The following SPON1 variants were observed in gnomAD, a reference collection of about 807,000 sequenced individuals.
The protein encoded by SPON1 is spondin-1.
Under a neutral mutation model 111.7 loss-of-function variants are expected in SPON1, and 52 were observed. The observed-to-expected ratio is 0.47, with a 90% confidence interval of 0.37 to 0.59. The LOEUF (loss-of-function observed/expected upper bound fraction) is 0.59, where lower values mean the gene tolerates loss of function less well. Among genes scored for constraint, SPON1 ranks in the 20% least tolerant of loss-of-function variants. The probability of loss-of-function intolerance (pLI) is 0.00; values close to 1 mark genes in which losing one functional copy is unlikely to be tolerated. For synonymous variants in SPON1, 410 were observed against 395.8 expected, an observed-to-expected ratio of 1.04 and a Z score of -0.43; for missense variants, 957 against 1,068.5, an observed-to-expected ratio of 0.90 and a Z score of 1.46.
chr11:13,975,091 C>T (rs187002621), intron 1 of SPON1, among the ~76,000 whole-genome samples: 1 of 152,192 alleles, frequency 6.6e-6, no homozygotes, highest in Non-Finnish European at 1.5e-5. Context: ...GATGTTCTCT[C>T]CTCTGCAACC....
intron 2 of SPON1, among the ~76,000 whole-genome samples, chr11:14,012,495 C>T (rs192575070): frequency 6.6e-6 from 1 of 152,290 alleles, no homozygotes; most frequent in African/African-American, 2.4e-5. Context: ...GACGTGCAAA[C>T]CGCATTTATC....
At chr11:14,241,292 C>A (rs1179414768) in intron 6 of SPON1, among the ~76,000 whole-genome samples, 2 of 152,090 alleles carry the variant, frequency 1.3e-5, no homozygotes, top group African/African-American at 4.8e-5. Context: ...AAAAGTGGAG[C>A]AGAACTAGAT....
intron 6 of SPON1, among the ~76,000 whole-genome samples, chr11:14,214,356 C>T (rs1338814871): frequency 6.6e-6 from 1 of 152,136 alleles, no homozygotes; most frequent in African/African-American, 2.4e-5. Context: ...GATGATGCTT[C>T]AGAATAAAAA....
chr11:13,981,516 C>T (rs111660009), intron 1 of SPON1, among the ~76,000 whole-genome samples: 2 of 152,098 alleles, frequency 1.3e-5, no homozygotes, highest in African/African-American at 4.8e-5. Flanking sequence ...TTAGTAGAGA[C>T]GGGGTTTCAC....
At chr11:14,211,942 G>GA (rs1182901394) in intron 6 of SPON1, among the ~76,000 whole-genome samples, 24 of 148,012 alleles carry the variant, frequency 1.6e-4, no homozygotes, top group South Asian at 6.4e-4. Flanking sequence ...GCCAATTTTT[G>GA]AAAAAAAAAG....
At chr11:14,100,376 T>C (rs1849134070) in intron 5 of SPON1, among the ~76,000 whole-genome samples, 1 of 150,884 alleles carries the variant, frequency 6.6e-6, no homozygotes, top group African/African-American at 2.4e-5. Context: ...CTGATTGTAC[T>C]TTCTCATTTC....
intron 2 of SPON1, among the ~76,000 whole-genome samples, chr11:14,010,918 T>C (rs545345276): frequency 6.6e-6 from 1 of 152,130 alleles, no homozygotes; most frequent in South Asian, 2.1e-4. Flanking sequence ...CAGAGAAAAA[T>C]AAAATGCCCT....
intron 5 of SPON1, among the ~76,000 whole-genome samples, chr11:14,110,863 A>G (rs1554925401): frequency 6.6e-6 from 1 of 152,224 alleles, no homozygotes; most frequent in African/African-American, 2.4e-5. Context: ...AATCCAGTCA[A>G]GTTGACGTCT....
chr11:14,041,753 G>A lies in SPON1; in HGVS notation c.479+99G>A. 2.2e-6 allele frequency: 3 copies of A among 1,382,644 alleles called. No homozygotes were observed. The South Asian group carries it at 4.0e-5, about 19-fold the overall frequency. The allele number at this position is 1,382,644 out of a possible 1,614,324, so 85.6% of individuals were successfully genotyped here. ...GTTCTTTACTGAGCATCAGAAAGTTGCATCATCTCTCTGCCCTCCCTTATC... is the reference window on the plus strand; with the variant it reads ...GTTCTTTACTGAGCATCAGAAAGTTACATCATCTCTCTGCCCTCCCTTATC... On this transcript the variant is annotated intron_variant, in intron 3 of 15. Coordinates refer to ENST00000576479, the MANE Select transcript of SPON1 (RefSeq NM_006108.4).
chr11:14,231,087 A>C (rs1273823636), intron 6 of SPON1, among the ~76,000 whole-genome samples: 2 of 151,530 alleles, frequency 1.3e-5, no homozygotes, highest in African/African-American at 4.9e-5. Flanking sequence ...TGCTGGGATT[A>C]CAGGCATGAG....
chr11:14,063,519 G>A (rs529108465), intron 3 of SPON1, among the ~76,000 whole-genome samples: 11 of 152,136 alleles, frequency 7.2e-5, no homozygotes, highest in South Asian at 2.1e-4. Flanking sequence ...GATCATGTCC[G>A]GATTTTGTAG....
At chr11:14,222,390 G>A (rs1412299295) in intron 6 of SPON1, among the ~76,000 whole-genome samples, 1 of 152,188 alleles carries the variant, frequency 6.6e-6, no homozygotes, top group Admixed American at 6.5e-5. Flanking sequence ...GAGACATACG[G>A]CAAAGATTCC....
chr11:14,156,279 G>C (rs1308543047), intron 6 of SPON1, among the ~76,000 whole-genome samples: 1 of 143,426 alleles, frequency 7.0e-6, no homozygotes, highest in Admixed American at 7.2e-5. Flanking sequence ...TTTTTTGGCT[G>C]CATAAATGTC....
intron 6 of SPON1, among the ~76,000 whole-genome samples, chr11:14,230,252 G>A (rs949704437): frequency 6.6e-6 from 1 of 152,110 alleles, no homozygotes; most frequent in Admixed American, 6.5e-5. Flanking sequence ...GTCACTTGGA[G>A]CTTCATTACT....
rs1554941833 is a variant in SPON1, at chr11:14,260,707, A to G, written c.1951A>G (p.Asn651Asp). The G allele has an allele frequency of 6.2e-7, 1 of 1,614,016 alleles. No individual in the cohort carries two copies. Among genetic ancestry groups the G allele is most frequent in the Non-Finnish European group, 8.5e-7 (1 of 1,179,880 alleles). ...LKSLAELGDC[N>D]EDLEQVEKCM... ...GTCTCTGGCAGAACTTGGAGACTGC[A>G]ATGAGGATCTGGAGCAGGTGGAGAA... The change falls in exon 14 of 16, where the codon AAT becomes GAT. Residue 651 changes from asparagine to aspartate, a missense_variant. By Grantham distance (23) the Asn-to-Asp change is conservative (BLOSUM62 1). Coordinates refer to ENST00000576479, the MANE Select transcript of SPON1 (RefSeq NM_006108.4).
At position 14,019,133 on chromosome 11, in the gene SPON1, A is replaced by G. The variant is rs550270267; in HGVS notation, c.346-22388A>G. ...CTCCATTTGGGACCTGTACAATTCA[A>G]GGTTCCTTTAGTCATCCATAGTATT... On this transcript the variant is annotated intron_variant, in intron 2 of 15. Coordinates refer to ENST00000576479, the MANE Select transcript of SPON1 (RefSeq NM_006108.4). 4.6e-5 allele frequency among the ~76,000 whole-genome samples: 7 copies of G among 152,280 alleles called. No individual in the cohort carries two copies. The South Asian group carries it at 1.4e-3, about 32-fold the overall frequency.
chr11:14,241,989 G>T (rs917938168), intron 6 of SPON1, among the ~76,000 whole-genome samples: 2 of 152,104 alleles, frequency 1.3e-5, no homozygotes, highest in African/African-American at 4.8e-5. Context: ...CCGCTGCCCT[G>T]TCCTTGTGGG....
At chr11:14,073,054 T>C (rs1848889479) in intron 3 of SPON1, among the ~76,000 whole-genome samples, 1 of 152,236 alleles carries the variant, frequency 6.6e-6, no homozygotes, top group Non-Finnish European at 1.5e-5. Context: ...CAATGAGGTA[T>C]CTTGGGATGG....
In SPON1 at chr11:13,971,847, G is replaced by A. The variant is rs1591336319; in HGVS notation, c.238+8705G>A. Among the ~76,000 whole-genome samples the A allele has an allele frequency of 3.3e-5, 5 of 152,198 alleles. No individual in the cohort carries two copies. In the East Asian group the frequency reaches 9.6e-4, roughly 29 times the overall value. On this transcript the variant is annotated intron_variant, in intron 1 of 15. Transcript: ENST00000576479. ...TCCCGCTTGGCAGTAGGGTGATGGG[G>A]AGAAGAGAACCATGAGTTTTCCTTA...
Sources: allele counts gnomAD v4.1 joint callset (sites outside exome capture counted in the v4.1 genomes callset), GRCh38; gene constraint gnomAD v4.1.1; transcripts MANE v1.5; gene names NCBI Gene and HGNC (gene_info 2026-07-23, HGNC 2026-07-21).